The following MLLT3 variants were observed in gnomAD, a reference collection of about 807,000 sequenced individuals.
The protein encoded by MLLT3 is MLLT3 super elongation complex subunit.
A neutral mutation model predicts 53.2 loss-of-function variants in MLLT3; 4 were observed. The observed-to-expected ratio is 0.08, with a 90% CI of 0.04 to 0.17. The LOEUF (loss-of-function observed/expected upper bound fraction) is 0.17. MLLT3 is among the 10% of genes least tolerant of loss of function. The pLI, the probability that MLLT3 is intolerant of heterozygous loss-of-function variation, is 1.00. For synonymous variants in MLLT3, 283 were observed against 230.6 expected, an observed-to-expected ratio of 1.23 and a Z score of -2.06; for missense variants, 569 against 684.0, an observed-to-expected ratio of 0.83 and a Z score of 1.87.
At chr9:20,588,198 T>A (rs1351978663) in intron 2 of MLLT3, among the ~76,000 whole-genome samples, 1 of 151,800 alleles carries the variant, frequency 6.6e-6, no homozygotes, top group African/African-American at 2.4e-5. Context: ...TCCATTGATC[T>A]ATATCTCTGT....
intron 2 of MLLT3, among the ~76,000 whole-genome samples, chr9:20,584,722 CT>C (rs1819904058): frequency 6.6e-6 from 1 of 152,170 alleles, no homozygotes; most frequent in African/African-American, 2.4e-5. Flanking sequence ...TTATCTCCCC[CT>C]AGGTCCCTCC....
intron 2 of MLLT3, among the ~76,000 whole-genome samples, chr9:20,583,224 T>A (rs559254955): frequency 1.3e-5 from 2 of 152,176 alleles, no homozygotes; most frequent in African/African-American, 4.8e-5. Flanking sequence ...AGGTCTCACA[T>A]AGAGATCGTG....
chr9:20,402,767 T>C (rs1822487688), intron 5 of MLLT3, among the ~76,000 whole-genome samples: 1 of 152,108 alleles, frequency 6.6e-6, no homozygotes, highest in African/African-American at 2.4e-5. Context: ...TTCTCACCAA[T>C]TAACTTACAT....
Position 20,533,192 on chromosome 9 carries a change from G to C in MLLT3, c.194-76406C>G. 1.4e-5 allele frequency: 4 copies of C among 291,698 alleles called. No homozygotes were observed. The South Asian group carries it at 1.5e-4, about 11-fold the overall frequency. 18.1% of individuals were successfully genotyped at this position (291,698 alleles called of 1,614,324 possible). A position where few individuals can be genotyped will look rare whatever the true frequency, so the allele number is the denominator to read the frequency against. On this transcript the variant is annotated intron_variant, in intron 2 of 10. Transcript: ENST00000380338. ...ACACAGGTTAACTTGGAAGGCAAAG[G>C]AGCTTTGACTAAGCTGGTGGAAGCC...
chr9:20,552,221 CA>C (rs1818942993), intron 2 of MLLT3, among the ~76,000 whole-genome samples: 2 of 152,162 alleles, frequency 1.3e-5, no homozygotes, highest in South Asian at 4.1e-4. Context: ...ACTTTACACT[CA>C]CATCAGAGCC....
At chr9:20,541,378 C>T (rs746302328) in intron 2 of MLLT3, among the ~76,000 whole-genome samples, 2 of 152,128 alleles carry the variant, frequency 1.3e-5, no homozygotes, top group Non-Finnish European at 2.9e-5. Context: ...TCTGTTTTTG[C>T]ACTGCAATGA....
chr9:20,450,631 C>T (rs1433409422), intron 3 of MLLT3, among the ~76,000 whole-genome samples: 2 of 152,192 alleles, frequency 1.3e-5, no homozygotes, highest in Non-Finnish European at 2.9e-5. Flanking sequence ...ATAGCTTCCC[C>T]TCTATTGCCT....
intron 2 of MLLT3, among the ~76,000 whole-genome samples, chr9:20,480,729 G>A (rs1020615122): frequency 3.3e-5 from 5 of 152,088 alleles, no homozygotes; most frequent in African/African-American, 9.7e-5. Flanking sequence ...CTGACTCACC[G>A]AACAAACCTT....
At chr9:20,466,413 T>C (rs527995776) in intron 2 of MLLT3, among the ~76,000 whole-genome samples, 1 of 152,320 alleles carries the variant, frequency 6.6e-6, no homozygotes, top group African/African-American at 2.4e-5. Flanking sequence ...GAAACCACTG[T>C]TCAAACGCAT....
intron 5 of MLLT3, among the ~76,000 whole-genome samples, chr9:20,392,205 T>A (rs1298500591): frequency 6.6e-6 from 1 of 152,190 alleles, no homozygotes; most frequent in African/African-American, 2.4e-5. Context: ...AGATAATTAC[T>A]ATGTGTCTTC....
chr9:20,356,202 G>A (rs1029444467), intron 8 of MLLT3, among the ~76,000 whole-genome samples: 1 of 152,124 alleles, frequency 6.6e-6, no homozygotes, highest in African/African-American at 2.4e-5. Context: ...TAATGCACGA[G>A]TAAAAAGTGT....
chr9:20,526,829 T>A (rs1041604885), intron 2 of MLLT3, among the ~76,000 whole-genome samples: 1 of 152,204 alleles, frequency 6.6e-6, no homozygotes. Flanking sequence ...TCTTTAGCAA[T>A]TCTGGTGGTG....
chr9:20,595,495 A>G (rs1820239388), intron 2 of MLLT3, among the ~76,000 whole-genome samples: 1 of 152,164 alleles, frequency 6.6e-6, no homozygotes. Context: ...CACAGGAAAC[A>G]TTTGTCACAA....
chr9:20,364,565 C>T (rs117889170), intron 6 of MLLT3, among the ~76,000 whole-genome samples: 6 of 152,338 alleles, frequency 3.9e-5, no homozygotes, highest in Non-Finnish European at 8.8e-5. Context: ...TCTTGACTCC[C>T]TACAATCTCA....
At chr9:20,501,129 G>A (rs1825213942) in intron 2 of MLLT3, among the ~76,000 whole-genome samples, 1 of 152,082 alleles carries the variant, frequency 6.6e-6, no homozygotes, top group African/African-American at 2.4e-5. Context: ...AAATGCCTAG[G>A]AATTACTATA....
At chr9:20,563,909 CA>C (rs1382351153) in intron 2 of MLLT3, among the ~76,000 whole-genome samples, 1 of 152,092 alleles carries the variant, frequency 6.6e-6, no homozygotes, top group Non-Finnish European at 1.5e-5. Context: ...TAGGATATAA[CA>C]AAAGATGACT....
intron 2 of MLLT3, among the ~76,000 whole-genome samples, chr9:20,463,914 T>C (rs1824172317): frequency 1.3e-5 from 2 of 152,034 alleles, no homozygotes; most frequent in African/African-American, 2.4e-5. Flanking sequence ...TGTTCCCATA[T>C]TTGGTGGGAA....
intron 5 of MLLT3, among the ~76,000 whole-genome samples, chr9:20,388,543 G>A (rs1207560119): frequency 1.3e-5 from 2 of 152,132 alleles, no homozygotes; most frequent in African/African-American, 4.8e-5. Flanking sequence ...AGCCGAGATC[G>A]TGCCACTGCA....
At chr9:20,562,219 A>C (rs943198793) in intron 2 of MLLT3, among the ~76,000 whole-genome samples, 5 of 152,120 alleles carry the variant, frequency 3.3e-5, no homozygotes, top group African/African-American at 1.2e-4. Flanking sequence ...CTAGTTTCAC[A>C]ATCACTATAA....
Sources: gnomAD v4.1 joint callset for allele counts (sites outside exome capture counted in the v4.1 genomes callset) on GRCh38, gnomAD v4.1.1 for gene constraint, MANE v1.5 for transcripts, NCBI Gene and HGNC (gene_info 2026-07-23, HGNC 2026-07-21) for gene names.